FAT3: variants seen among roughly 807,000 people sequenced by gnomAD.
The protein encoded by FAT3 is FAT atypical cadherin 3.
FAT3 carries 95 observed loss-of-function variants against 310.2 expected under a neutral mutation model. The ratio of observed to expected loss-of-function variants is 0.31; its 90% CI spans 0.26 to 0.36. The LOEUF is 0.36. Among genes scored for constraint, FAT3 ranks in the 10% least tolerant of loss-of-function variants. The probability of loss-of-function intolerance (pLI) is 1.00; values close to 1 mark genes in which losing one functional copy is unlikely to be tolerated. For missense variants in FAT3, 5,408 were observed against 5,715.6 expected (o/e 0.95, Z 1.74); for synonymous variants, 2,314 against 2,192.9 (o/e 1.06, Z -1.54).
chr11:92,446,628 A>G (rs912821872), intron 2 of FAT3, among the ~76,000 whole-genome samples: 1 of 152,140 alleles, frequency 6.6e-6, no homozygotes, highest in African/African-American at 2.4e-5. Flanking sequence ...TTTTATTTTC[A>G]CTTAAAAGAA....
chr11:92,889,008 C>T (rs1949855124), intron 25 of FAT3, among the ~76,000 whole-genome samples, 181 bp from the exon 26 acceptor site: 1 of 152,078 alleles, frequency 6.6e-6, no homozygotes, highest in South Asian at 2.1e-4. Context: ...ATCCCGGGAC[C>T]CTCTAGATAA....
chr11:92,233,719 T>C (rs1222962677), intron 1 of FAT3, among the ~76,000 whole-genome samples: 1 of 152,206 alleles, frequency 6.6e-6, no homozygotes, highest in Admixed American at 6.5e-5. Context: ...ATCTAGGCAA[T>C]TGAACAATTG....
intron 3 of FAT3, among the ~76,000 whole-genome samples, chr11:92,528,184 C>T (rs1393467940): frequency 2.0e-5 from 3 of 152,162 alleles, no homozygotes; most frequent in South Asian, 2.1e-4. Flanking sequence ...TCTAGAATCA[C>T]GTAGAATCAG....
At chr11:92,312,654 T>C (rs914923184) in intron 1 of FAT3, among the ~76,000 whole-genome samples, 3 of 152,158 alleles carry the variant, frequency 2.0e-5, no homozygotes, top group African/African-American at 7.2e-5. Flanking sequence ...ACATTCTCTT[T>C]TTGTGAGTAT....
At chr11:92,229,628 A>G (rs1864085706) in intron 1 of FAT3, among the ~76,000 whole-genome samples, 1 of 150,282 alleles carries the variant, frequency 6.7e-6, no homozygotes, top group Non-Finnish European at 1.5e-5. Context: ...TTTATTGAGA[A>G]CATATTTGAC....
intron 7 of FAT3, among the ~76,000 whole-genome samples, chr11:92,778,410 G>A (rs941533403): frequency 2.6e-5 from 4 of 152,142 alleles, no homozygotes; most frequent in Admixed American, 2.6e-4. Context: ...AATGACTAAT[G>A]TTCACTGGAG....
chr11:92,586,233 G>C (rs1591487666), intron 3 of FAT3, among the ~76,000 whole-genome samples: 2 of 151,988 alleles, frequency 1.3e-5, no homozygotes, highest in African/African-American at 4.8e-5. Context: ...GTGCATATCT[G>C]TGTGTATTTA....
At chr11:92,250,958 T>C (rs1476165790) in intron 1 of FAT3, among the ~76,000 whole-genome samples, 4 of 152,154 alleles carry the variant, frequency 2.6e-5, no homozygotes, top group Non-Finnish European at 5.9e-5. Flanking sequence ...ACAATGTTGC[T>C]ACAGAAAGTC....
At chr11:92,604,698 C>T (rs374327733) in intron 3 of FAT3, among the ~76,000 whole-genome samples, 2 of 152,218 alleles carry the variant, frequency 1.3e-5, no homozygotes, top group African/African-American at 4.8e-5. Context: ...TCACTTTGCC[C>T]TGCTCCCAAC....
chr11:92,716,244 C>G (rs954869156), intron 4 of FAT3, among the ~76,000 whole-genome samples: 2 of 152,132 alleles, frequency 1.3e-5, no homozygotes, highest in African/African-American at 4.8e-5. Flanking sequence ...AAGGATAGTT[C>G]TTCCTCATGG....
chr11:92,832,004 C>T lies in FAT3; in HGVS notation c.9864C>T (p.Pro3288=), dbSNP rs1948274401. 6.5e-7 allele frequency: 1 copy of T among 1,542,668 alleles called. No individual in the cohort carries two copies. The highest frequency in any genetic ancestry group is 8.7e-7 in the Non-Finnish European group (1 of 1,144,814). ...AACAAGGGAAATTTAAGATCAACCC[C>T]AAGACAGGTGGGTAAATAGCACTGT... The part of the protein sequence containing the change: ...GNEQGKFKIN[P]KTGGISVSEV... Residue 3288 remains proline (P), a synonymous_variant, in exon 14 of 28, where the codon CCC becomes CCT. Coordinates refer to ENST00000525166, the MANE Select transcript of FAT3 (RefSeq NM_001367949.2).
chr11:92,785,743 A>G (rs932965737), intron 7 of FAT3, among the ~76,000 whole-genome samples: 1 of 152,188 alleles, frequency 6.6e-6, no homozygotes, highest in Non-Finnish European at 1.5e-5. Context: ...GGATAGGAAG[A>G]CTACATTAGA....
intron 2 of FAT3, among the ~76,000 whole-genome samples, chr11:92,492,023 G>A (rs539860746): frequency 6.6e-6 from 1 of 152,124 alleles, no homozygotes; most frequent in South Asian, 2.1e-4. Flanking sequence ...ATGCAGAAGT[G>A]TGTTCTTATG....
At chr11:92,638,579 G>A (rs1361160943) in intron 3 of FAT3, among the ~76,000 whole-genome samples, 2 of 152,170 alleles carry the variant, frequency 1.3e-5, no homozygotes, top group Non-Finnish European at 2.9e-5. Flanking sequence ...GTTCTGAAAT[G>A]TGGTTCCCCT....
chr11:92,496,505 A>G (rs955313807), intron 2 of FAT3, among the ~76,000 whole-genome samples: 2 of 151,948 alleles, frequency 1.3e-5, no homozygotes, highest in African/African-American at 4.8e-5. Context: ...GGACATTCAC[A>G]CATGCCCAAA....
At chr11:92,229,510 T>TTTTTTTTTTTTTTTTTTTTTTTTTTTTTC (rs1440088788) in intron 1 of FAT3, among the ~76,000 whole-genome samples, 3 of 77,142 alleles carry the variant, frequency 3.9e-5, no homozygotes, top group African/African-American at 4.0e-5. Context: ...TTTTTTTGTT[T>TTTTTTTTTTTTTTTTTTTTTTTTTTTTTC]TTTGTTTTTT....
At chr11:92,877,220 C>T (rs545480295) in intron 22 of FAT3, among the ~76,000 whole-genome samples, 1 of 152,220 alleles carries the variant, frequency 6.6e-6, no homozygotes, top group East Asian at 1.9e-4. Context: ...CCCAAAAACT[C>T]GGGGGACTGA....
chr11:92,652,006 G>A (rs1942396922), intron 3 of FAT3, among the ~76,000 whole-genome samples: 1 of 152,024 alleles, frequency 6.6e-6, no homozygotes, highest in African/African-American at 2.4e-5. Flanking sequence ...GAAGGTAAAG[G>A]ATTCACTTTT....
chr11:92,298,035 A>C (rs754911819), intron 1 of FAT3, among the ~76,000 whole-genome samples: 1 of 152,078 alleles, frequency 6.6e-6, no homozygotes, highest in Non-Finnish European at 1.5e-5. Context: ...CACAACAAGG[A>C]AATGCGGGTG....
Sources: gnomAD v4.1 joint callset for allele counts (sites outside exome capture counted in the v4.1 genomes callset) on GRCh38, gnomAD v4.1.1 for gene constraint, MANE v1.5 for transcripts, NCBI Gene and HGNC (gene_info 2026-07-23, HGNC 2026-07-21) for gene names.